DLC1: variants seen among roughly 807,000 people sequenced by gnomAD.
DLC1 encodes rho GTPase-activating protein 7.
DLC1 carries 54 observed loss-of-function variants against 140.3 expected under a neutral mutation model. The ratio of observed to expected loss-of-function variants is 0.38; its 90% CI spans 0.31 to 0.48. DLC1 has a LOEUF of 0.48. DLC1 is among the 20% of genes least tolerant of loss of function. The probability of loss-of-function intolerance (pLI) is 0.96; values close to 1 mark genes in which losing one functional copy is unlikely to be tolerated. For synonymous variants in DLC1, 986 were observed against 728.1 expected (o/e 1.35, Z -5.70); for missense variants, 2,536 against 1,907.0 (o/e 1.33, Z -6.14).
chr8:13,486,903 A>G (rs554733053), intron 2 of DLC1, among the ~76,000 whole-genome samples: 3 of 152,314 alleles, frequency 2.0e-5, no homozygotes, highest in African/African-American at 7.2e-5. Context: ...AGGGTGAGAA[A>G]TAATCATTCT....
chr8:13,599,478 C>T (rs1476648127), intron 1 of DLC1, among the ~76,000 whole-genome samples: 1 of 151,750 alleles, frequency 6.6e-6, no homozygotes, highest in Non-Finnish European at 1.5e-5. Context: ...TAAAATATTC[C>T]AGATGAATAA....
In DLC1 at chr8:13,499,889, T is replaced by C; in HGVS notation, c.183A>G (p.Leu61=). 1.2e-6 allele frequency: 2 copies of C among 1,614,090 alleles called. No homozygotes were observed. Among genetic ancestry groups the C allele is most frequent in the Non-Finnish European group, 1.7e-6 (2 of 1,180,008 alleles). The change falls in exon 2 of 18, where the codon CTA becomes CTG. Residue 61 remains leucine (L), a synonymous_variant. Coordinates refer to ENST00000276297, the MANE Select transcript of DLC1 (RefSeq NM_182643.3). ...GCTCTGATCCATGACAGCAGTCAGG[T>C]AGTGAAACACACTTCTCTTTGCGGT... The part of the protein sequence containing the change: ...NVDRKEKCVS[L]PDCCHGSELR...
intron 1 of DLC1, among the ~76,000 whole-genome samples, chr8:13,544,957 T>C (rs369409428): frequency 9.2e-5 from 14 of 152,256 alleles, no homozygotes; most frequent in African/African-American, 3.4e-4. Context: ...ACTATTTACA[T>C]AGACTCCAAG....
At chr8:13,249,028 T>C (rs1417069789) in intron 5 of DLC1, among the ~76,000 whole-genome samples, 1 of 152,208 alleles carries the variant, frequency 6.6e-6, no homozygotes, top group Non-Finnish European at 1.5e-5. Context: ...TCACTTTCCA[T>C]TCCTCAGTGA....
intron 2 of DLC1, among the ~76,000 whole-genome samples, chr8:13,458,175 G>A (rs1368417117): frequency 6.6e-6 from 1 of 152,142 alleles, no homozygotes; most frequent in Non-Finnish European, 1.5e-5. Context: ...AACTTTAACA[G>A]ACAAATTATC....
intron 2 of DLC1, among the ~76,000 whole-genome samples, chr8:13,420,785 T>C (rs1335450850): frequency 6.6e-6 from 1 of 152,160 alleles, no homozygotes; most frequent in Non-Finnish European, 1.5e-5. Flanking sequence ...TGTGCCACAT[T>C]TTCCTGACCA....
chr8:13,088,712 G>T lies in DLC1; in HGVS notation c.4075-8C>A. The T allele has an allele frequency of 6.2e-7, 1 of 1,613,714 alleles. No homozygotes were observed. Among genetic ancestry groups the T allele is most frequent in the Non-Finnish European group, 8.5e-7 (1 of 1,179,848 alleles). ...AGGGGGTCCTTCGCTCACCTGGAAA[G>T]AGGATGTATTTTTCAGTGCCAAGGC... On this transcript the variant is annotated splice_polypyrimidine_tract_variant and splice_region_variant and intron_variant, in intron 15 of 17. Transcript: ENST00000276297.
chr8:13,288,552 G>T (rs1031664970), intron 5 of DLC1, among the ~76,000 whole-genome samples: 1 of 152,120 alleles, frequency 6.6e-6, no homozygotes, highest in African/African-American at 2.4e-5. Context: ...GTATTTCAAT[G>T]CTTTCTTTCC....
At chr8:13,596,569 T>C (rs1805687224) in intron 1 of DLC1, among the ~76,000 whole-genome samples, 1 of 152,038 alleles carries the variant, frequency 6.6e-6, no homozygotes, top group African/African-American at 2.4e-5. Flanking sequence ...ACTAGTTTTT[T>C]AAAGAGTGCT....
At chr8:13,580,268 G>A (rs1277898409) in intron 1 of DLC1, among the ~76,000 whole-genome samples, 1 of 151,870 alleles carries the variant, frequency 6.6e-6, no homozygotes, top group African/African-American at 2.4e-5. Flanking sequence ...GCCTACAGGC[G>A]ACCGCCACCA....
intron 1 of DLC1, among the ~76,000 whole-genome samples, chr8:13,537,862 T>C (rs1024720996): frequency 3.3e-5 from 5 of 151,814 alleles, no homozygotes; most frequent in Non-Finnish European, 7.4e-5. Flanking sequence ...ACTGTGTTAG[T>C]CAGGATAGTC....
At chr8:13,213,260 T>C (rs34026650) in intron 5 of DLC1, among the ~76,000 whole-genome samples, 6 of 152,220 alleles carry the variant, frequency 3.9e-5, no homozygotes, top group African/African-American at 7.2e-5. Context: ...TACATATACC[T>C]GGGCCCACTG....
intron 5 of DLC1, among the ~76,000 whole-genome samples, chr8:13,190,639 T>C (rs1428782914): frequency 6.6e-6 from 1 of 152,138 alleles, no homozygotes; most frequent in Non-Finnish European, 1.5e-5. Flanking sequence ...TAACTTAAGA[T>C]GCAGTTATGT....
upstream of DLC1, among the ~76,000 whole-genome samples, chr8:13,517,860 A>G (rs372298443): frequency 1.1e-4 from 16 of 152,354 alleles, no homozygotes; most frequent in East Asian, 2.3e-3. Flanking sequence ...GAATTGTCAC[A>G]ATGCAAAAAG....
At chr8:13,492,553 TCC>T (rs1801306111) in intron 2 of DLC1, among the ~76,000 whole-genome samples, 1 of 39,594 alleles carries the variant, frequency 2.5e-5, no homozygotes, top group African/African-American at 5.6e-5. Context: ...CACTACTCTC[TCC>T]TCTCTCAGTG....
At chr8:13,382,892 A>G (rs532820281) in intron 4 of DLC1, among the ~76,000 whole-genome samples, 2 of 152,354 alleles carry the variant, frequency 1.3e-5, no homozygotes, top group South Asian at 4.1e-4. Context: ...AGGTAGAGAA[A>G]GACATATCTT....
At chr8:13,452,846 A>G (rs944962606) in intron 2 of DLC1, among the ~76,000 whole-genome samples, 1 of 152,194 alleles carries the variant, frequency 6.6e-6, no homozygotes, top group African/African-American at 2.4e-5. Flanking sequence ...TCTAACATCA[A>G]AATATTCTAA....
intron 5 of DLC1, among the ~76,000 whole-genome samples, chr8:13,241,015 C>A (rs1829523029): frequency 6.6e-6 from 1 of 152,084 alleles, no homozygotes; most frequent in African/African-American, 2.4e-5. Flanking sequence ...GGAATAAATC[C>A]TGAAGACAGA....
At chr8:13,519,428 C>T (rs1802698984), upstream of DLC1, among the ~76,000 whole-genome samples, 1 of 152,118 alleles carries the variant, frequency 6.6e-6, no homozygotes, top group Non-Finnish European at 1.5e-5. Context: ...GCTCCTGGCT[C>T]ATGTGTTTTC....
Sources: gnomAD v4.1 joint callset for allele counts (sites outside exome capture counted in the v4.1 genomes callset) on GRCh38, gnomAD v4.1.1 for gene constraint, MANE v1.5 for transcripts, NCBI Gene and HGNC (gene_info 2026-07-23, HGNC 2026-07-21) for gene names.